MFHAS1: variants seen among roughly 807,000 people sequenced by gnomAD.
MFHAS1 encodes malignant fibrous histiocytoma-amplified sequence 1.
A neutral mutation model predicts 70.4 loss-of-function variants in MFHAS1; 50 were observed. The ratio of observed to expected loss-of-function variants is 0.71; its 90% CI spans 0.57 to 0.90. MFHAS1 has a LOEUF of 0.90. MFHAS1 is among the 40% of genes least tolerant of loss of function. The pLI is 0.00. For missense variants in MFHAS1, 1,795 were observed against 1,347.6 expected, an observed-to-expected ratio of 1.33 and a Z score of -5.20; for synonymous variants, 952 against 620.0, an observed-to-expected ratio of 1.54 and a Z score of -7.96.
Position 8,892,857 on chromosome 8 carries a change from G to T in MFHAS1, c.202C>A (p.Leu68Met), listed in dbSNP as rs758577393. ...TCCAGGCCGTTGTTCCCCAGGTTCAGTGCCTCAATGTCCCCGAGGTTGGCC... is the reference window on the plus strand; with the variant it reads ...TCCAGGCCGTTGTTCCCCAGGTTCATTGCCTCAATGTCCCCGAGGTTGGCC... ...LPANLGDIEA[L>M]NLGNNGLEEV... The change falls in exon 1 of 3, where the codon CTG (leucine) becomes ATG (methionine). Residue 68 changes from leucine to methionine, a missense_variant. By Grantham distance (15) the Leu-to-Met change is conservative. Transcript: ENST00000276282. This position sits in a 1 kb window ranked among gnomAD's most constrained non-coding sequence, Gnocchi z 4.7. The T allele has an allele frequency of 6.3e-7, 1 of 1,595,852 alleles. No individual in the cohort carries two copies. Among genetic ancestry groups the T allele is most frequent in the Non-Finnish European group, 8.5e-7 (1 of 1,172,078 alleles).
rs35799658 is a variant in MFHAS1, at chr8:8,883,707, C to CAAA, written c.2998+6351_2998+6353dup. On this transcript the variant is annotated intron_variant, in intron 1 of 2. Coordinates refer to ENST00000276282, the MANE Select transcript of MFHAS1 (RefSeq NM_004225.3). ...TGGGCAACAGAGCGAGACTCAGTCT[C>CAAA]AAAAAAAAAAAAAAAAAAAAAAAAG... is the stretch of plus-strand genomic sequence containing the variant. 3.3e-3 allele frequency among the ~76,000 whole-genome samples: 97 copies of CAAA among 29,522 alleles called. 5 individuals carry two copies. The highest frequency in any genetic ancestry group is 0.028 in the Middle Eastern group (1 of 36). 19.4% of individuals were successfully genotyped at this position (29,522 alleles called of 152,430 possible).
intron 1 of MFHAS1, among the ~76,000 whole-genome samples, chr8:8,849,741 T>C (rs1808171827): frequency 6.6e-6 from 1 of 152,204 alleles, no homozygotes; most frequent in Admixed American, 6.5e-5. Context: ...TTCAAACAGG[T>C]AAGGGTAGAT....
chr8:8,847,354 G>T (rs1264187459), intron 1 of MFHAS1, among the ~76,000 whole-genome samples: 1 of 152,102 alleles, frequency 6.6e-6, no homozygotes. Flanking sequence ...GCTAATTTTT[G>T]TATTTTTAGT....
intron 1 of MFHAS1, among the ~76,000 whole-genome samples, chr8:8,838,363 T>C (rs1471763445): frequency 6.6e-6 from 1 of 152,184 alleles, no homozygotes; most frequent in Non-Finnish European, 1.5e-5. Flanking sequence ...TTCACCCAAA[T>C]GTATAGTTAA....
At chr8:8,869,331 A>G (rs1217206018) in intron 1 of MFHAS1, among the ~76,000 whole-genome samples, 1 of 152,230 alleles carries the variant, frequency 6.6e-6, no homozygotes, top group Non-Finnish European at 1.5e-5. Context: ...AAGCTAGAAC[A>G]AAAGCTGATT....
At chr8:8,848,600 A>T (rs1222014318) in intron 1 of MFHAS1, among the ~76,000 whole-genome samples, 1 of 145,710 alleles carries the variant, frequency 6.9e-6, no homozygotes, top group Admixed American at 7.3e-5. Context: ...TTTACTACTA[A>T]CGGAGCTGGG....
rs1810032457 is a variant in MFHAS1, at chr8:8,891,475, G to A, written c.1584C>T (p.Pro528=). The part of the protein sequence containing the change: ...SFLHRVGARV[P]HAVVCIVGTH... ...TGCCCACGATGCACACCACCGCGTG[G>A]GGCACTCTCGCCCCGACCCGATGCA... The change falls in exon 1 of 3, where the codon CCC becomes CCT. Residue 528 remains proline (P), a synonymous_variant. Transcript: ENST00000276282. The surrounding 1 kb of genome is among the most constrained non-coding windows in gnomAD (Gnocchi z 5.4). 8 of 1,613,030 alleles carry A rather than the reference G, an allele frequency of 5.0e-6. No homozygotes were observed. The South Asian group carries it at 6.6e-5, about 13-fold the overall frequency.
intron 1 of MFHAS1, among the ~76,000 whole-genome samples, chr8:8,866,278 C>A (rs1421812192): frequency 6.6e-6 from 1 of 151,584 alleles, no homozygotes; most frequent in African/African-American, 2.4e-5. Flanking sequence ...GAACCTAGAA[C>A]AGGGATCTAT....
chr8:8,824,517 TC>T (rs1807081134), intron 1 of MFHAS1, among the ~76,000 whole-genome samples: 1 of 127,078 alleles, frequency 7.9e-6, no homozygotes, highest in African/African-American at 3.0e-5. Context: ...TCTTTCTCTC[TC>T]TTTCACACAC....
At chr8:8,852,406 G>A (rs569878627) in intron 1 of MFHAS1, among the ~76,000 whole-genome samples, 56 of 152,000 alleles carry the variant, frequency 3.7e-4, no homozygotes, top group African/African-American at 1.3e-3. Flanking sequence ...CCTGGGAGGC[G>A]GAGGCTGCAG....
chr8:8,832,425 T>TCACA (rs35913215), intron 1 of MFHAS1, among the ~76,000 whole-genome samples: 43,944 of 143,426 alleles, frequency 0.31, 7,488 homozygotes, highest in Middle Eastern at 0.5. Flanking sequence ...ACAAGATACT[T>TCACA]CACACACACA....
chr8:8,843,194 C>T (rs939484232), intron 1 of MFHAS1, among the ~76,000 whole-genome samples: 3 of 150,756 alleles, frequency 2.0e-5, no homozygotes, highest in East Asian at 1.9e-4. Flanking sequence ...GCGTGAACCC[C>T]GGAAGCGGAG....
intron 1 of MFHAS1, among the ~76,000 whole-genome samples, chr8:8,837,311 T>C (rs574235446): frequency 2.6e-5 from 4 of 152,276 alleles, no homozygotes; most frequent in South Asian, 2.1e-4. Flanking sequence ...AGGAGTTGAA[T>C]AGACATTTCT....
rs541225086 is a variant in MFHAS1, at chr8:8,857,633, G to A, written c.2998+32428C>T. ...AAATTAGCCAGGCATGGTGGCGGGTGCCTGTAGTCTCAGCTACTCAGGAGG... is the reference window on the plus strand; with the variant it reads ...AAATTAGCCAGGCATGGTGGCGGGTACCTGTAGTCTCAGCTACTCAGGAGG... On this transcript the variant is annotated intron_variant, in intron 1 of 2. Transcript: ENST00000276282. Among the ~76,000 whole-genome samples the A allele has an allele frequency of 4.6e-5, 7 of 151,620 alleles. No homozygotes were observed. The South Asian group carries it at 1.5e-3, about 32-fold the overall frequency.
chr8:8,850,739 C>A (rs537718197), intron 1 of MFHAS1, among the ~76,000 whole-genome samples: 1 of 147,152 alleles, frequency 6.8e-6, no homozygotes, highest in Non-Finnish European at 1.5e-5. Flanking sequence ...GCAGGAGAAT[C>A]GCTTGAATCC....
At chr8:8,870,936 T>C (rs878912720) in intron 1 of MFHAS1, among the ~76,000 whole-genome samples, 2 of 152,238 alleles carry the variant, frequency 1.3e-5, no homozygotes, top group Non-Finnish European at 2.9e-5. Context: ...TTTCTTTTTT[T>C]GGTGACAGGA....
At chr8:8,792,762 A>G (rs1281457936) in intron 2 of MFHAS1, among the ~76,000 whole-genome samples, 1 of 152,094 alleles carries the variant, frequency 6.6e-6, no homozygotes, top group Admixed American at 6.5e-5. Context: ...TATAAATACA[A>G]CTCTGCAAAT....
chr8:8,835,268 A>G (rs572291614), intron 1 of MFHAS1, among the ~76,000 whole-genome samples: 1 of 152,296 alleles, frequency 6.6e-6, no homozygotes, highest in South Asian at 2.1e-4. Flanking sequence ...AAATAGGTGC[A>G]TTTTTACTGT....
chr8:8,892,662 C>T lies in MFHAS1; in HGVS notation c.397G>A (p.Ala133Thr), dbSNP rs756395006. The T allele has an allele frequency of 3.6e-5, 57 of 1,588,988 alleles. No individual in the cohort carries two copies. The highest frequency in any genetic ancestry group is 1.8e-4 in the South Asian group (16 of 87,822). ...LTALGAEVVSALRELRKLNLS... is the reference protein window; with the variant it reads ...LTALGAEVVSTLRELRKLNLS... ...TTGAGCTTCCGCAGCTCCCTCAGAGCACTCACCACCTCCGCGCCCAGGGCG... is the reference window on the plus strand; with the variant it reads ...TTGAGCTTCCGCAGCTCCCTCAGAGTACTCACCACCTCCGCGCCCAGGGCG... The change falls in exon 1 of 3, where the codon GCT (alanine) becomes ACT (threonine). Residue 133 changes from alanine (A) to threonine (T), a missense_variant. Coordinates refer to ENST00000276282, the MANE Select transcript of MFHAS1 (RefSeq NM_004225.3). The surrounding 1 kb of genome is among the most constrained non-coding windows in gnomAD (Gnocchi z 4.7).
Sources: allele counts gnomAD v4.1 joint callset (sites outside exome capture counted in the v4.1 genomes callset), GRCh38; gene constraint gnomAD v4.1.1; non-coding constraint Gnocchi (gnomAD v3.1); transcripts MANE v1.5; gene names NCBI Gene and HGNC (gene_info 2026-07-23, HGNC 2026-07-21).